PLA2G12B: variants seen among roughly 807,000 people sequenced by gnomAD.
The protein encoded by PLA2G12B is phospholipase A2 group XIIB.
PLA2G12B carries 19 observed loss-of-function variants against 22.3 expected under a neutral mutation model. The observed-to-expected ratio is 0.85, with a 90% CI of 0.60 to 1.25. The LOEUF (loss-of-function observed/expected upper bound fraction) is 1.25, where lower values mean the gene tolerates loss of function less well. Ranked by LOEUF, PLA2G12B falls within the 50% of genes most tolerant of loss-of-function variation. The pLI, the probability that PLA2G12B is intolerant of heterozygous loss-of-function variation, is 0.00. For missense variants in PLA2G12B, 191 were observed against 246.6 expected (o/e 0.77, Z 1.51); for synonymous variants, 81 against 94.9 (o/e 0.85, Z 0.85).
rs1846588181 is a variant in PLA2G12B at position 72,954,582 on chromosome 10, C to T, written c.104G>A (p.Gly35Asp). 6.2e-7 allele frequency: 1 copy of T among 1,614,088 alleles called. No individual in the cohort carries two copies. Among genetic ancestry groups the T allele is most frequent in the Non-Finnish European group, 8.5e-7 (1 of 1,180,052 alleles). ...PDTEESYSDW[G>D]LRHLRGSFES... ...AAAGCTTCCCCGGAGGTGCCGAAGG[C>T]CCCAGTCTGAATAGGACTCCTCCGT... Residue 35 changes from glycine to aspartate, a missense_variant, in exon 1 of 4, where the codon GGC (glycine) becomes GAC (aspartate). Transcript: ENST00000373032.
chr10:72,952,152 T>C (rs1204031123), intron 1 of PLA2G12B, among the ~76,000 whole-genome samples: 1 of 152,234 alleles, frequency 6.6e-6, no homozygotes, highest in Non-Finnish European at 1.5e-5. Context: ...ATCTGAAGTG[T>C]ACCCAAGTTA....
chr10:72,954,600 T>C lies in PLA2G12B; in HGVS notation c.86A>G (p.Glu29Gly). The change falls in exon 1 of 4, where the codon GAG becomes GGG. Residue 29 changes from glutamate (E) to glycine (G), a missense_variant. Transcript: ENST00000373032. ...CCGAAGGCCCCAGTCTGAATAGGAC[T>C]CCTCCGTGTCAGGGCTCGTGTCGCT... ...AQSDTSPDTE[E>G]SYSDWGLRHL... 1 of 1,614,140 alleles carries C rather than the reference T, an allele frequency of 6.2e-7. No individual in the cohort carries two copies. Among genetic ancestry groups the C allele is most frequent in the South Asian group, 1.1e-5 (1 of 91,078 alleles).
chr10:72,949,715 C>T (rs150277751), intron 1 of PLA2G12B, among the ~76,000 whole-genome samples: 3,634 of 152,274 alleles, frequency 0.024, 92 homozygotes, highest in African/African-American at 0.059. Flanking sequence ...CGGTGGCTCA[C>T]GCCTGTAATC....
intron 1 of PLA2G12B, among the ~76,000 whole-genome samples, chr10:72,943,014 G>T (rs1219932096): frequency 6.6e-6 from 1 of 150,878 alleles, no homozygotes; most frequent in Non-Finnish European, 1.5e-5. Flanking sequence ...TGCCCAGGCT[G>T]GAGTGCAGTG....
chr10:72,941,499 G>A (rs1846360796), intron 2 of PLA2G12B, among the ~76,000 whole-genome samples, 165 bp from the exon 3 acceptor site: 2 of 152,170 alleles, frequency 1.3e-5, no homozygotes, highest in Admixed American at 6.5e-5. Flanking sequence ...AATACCAACA[G>A]TCACAGGATT....
At chr10:72,952,872 C>T (rs1391059166) in intron 1 of PLA2G12B, among the ~76,000 whole-genome samples, 2 of 152,214 alleles carry the variant, frequency 1.3e-5, no homozygotes, top group African/African-American at 4.8e-5. Context: ...CTAAAATTTG[C>T]TTAAGTCTTT....
intron 3 of PLA2G12B, among the ~76,000 whole-genome samples, chr10:72,938,250 G>A (rs1846309006): frequency 6.6e-6 from 1 of 152,146 alleles, no homozygotes; most frequent in Admixed American, 6.5e-5. Flanking sequence ...CATTCTCAAT[G>A]GTGAAAGATG....
At chr10:72,941,070 C>G (rs1846352265) in intron 3 of PLA2G12B, 99 bp downstream of exon 3, 1 of 1,280,080 alleles carries the variant, frequency 7.8e-7, no homozygotes, top group African/African-American at 1.5e-5. Context: ...ATTCAGTGAG[C>G]TCTGATGATC....
chr10:72,935,574 C>G lies in PLA2G12B; in HGVS notation c.*43G>C. 3 of 1,609,302 alleles carry G rather than the reference C, an allele frequency of 1.9e-6. No homozygotes were observed. The highest frequency in any genetic ancestry group is 1.7e-5 in the Admixed American group (1 of 59,548). On this transcript the variant is annotated 3_prime_UTR_variant, in exon 4 of 4. Coordinates refer to ENST00000373032, the MANE Select transcript of PLA2G12B (RefSeq NM_032562.5). Reference sequence around the variant, plus strand: ...GAAGACTTGACATCTTGAAGGCTGACAGCTGTGGTGTCACTCAAAACCAGG... The same window carrying G: ...GAAGACTTGACATCTTGAAGGCTGAGAGCTGTGGTGTCACTCAAAACCAGG...
At chr10:72,946,719 A>T (rs1846448611) in intron 1 of PLA2G12B, among the ~76,000 whole-genome samples, 1 of 152,056 alleles carries the variant, frequency 6.6e-6, no homozygotes, top group Admixed American at 6.6e-5. Flanking sequence ...GTGGTTATTT[A>T]CCATTCATAT....
chr10:72,953,282 T>C (rs913234272), intron 1 of PLA2G12B, among the ~76,000 whole-genome samples: 5 of 152,170 alleles, frequency 3.3e-5, no homozygotes, highest in African/African-American at 9.7e-5. Context: ...AAACTTTGGG[T>C]CCTGATGCAA....
At chr10:72,941,799 A>G (rs1383011363) in intron 2 of PLA2G12B, among the ~76,000 whole-genome samples, 2 of 150,774 alleles carry the variant, frequency 1.3e-5, no homozygotes, top group East Asian at 3.9e-4. Context: ...AGACAGCACT[A>G]TTTTAAGGGT....
intron 1 of PLA2G12B, among the ~76,000 whole-genome samples, chr10:72,951,660 C>T (rs549285182): frequency 6.6e-6 from 1 of 152,138 alleles, no homozygotes; most frequent in South Asian, 2.1e-4. Context: ...AGGGTTTCAC[C>T]GTGTTAGCCA....
intron 2 of PLA2G12B, 57 bp downstream of exon 2, chr10:72,942,595 T>C: frequency 1.5e-6 from 2 of 1,366,254 alleles, no homozygotes; most frequent in Non-Finnish European, 1.0e-6. Context: ...AGGATAACTC[T>C]AGGATTGCTC....
At chr10:72,936,232 C>A (rs1846278263) in intron 3 of PLA2G12B, among the ~76,000 whole-genome samples, 1 of 152,172 alleles carries the variant, frequency 6.6e-6, no homozygotes, top group South Asian at 2.1e-4. Context: ...AAGGCATCCT[C>A]AACTTAAGTA....
intron 1 of PLA2G12B, among the ~76,000 whole-genome samples, chr10:72,944,415 C>G (rs1313140949): frequency 6.6e-6 from 1 of 152,148 alleles, no homozygotes; most frequent in Non-Finnish European, 1.5e-5. Flanking sequence ...TGGACCTTTA[C>G]TCTCACAAAG....
chr10:72,940,220 C>G lies in PLA2G12B; in HGVS notation c.466+949G>C, dbSNP rs190000709. The stretch of plus-strand genomic sequence containing the variant: ...TCCAAAATTCTCTCTACTGCAGACA[C>G]TCTCTGTGGTGTGGAGCCAGCTCTT... On this transcript the variant is annotated intron_variant, in intron 3 of 3. Transcript: ENST00000373032. Among the ~76,000 whole-genome samples, 16 of 152,284 alleles carry G rather than the reference C, an allele frequency of 1.1e-4. No individual in the cohort carries two copies. In the East Asian group the frequency reaches 2.3e-3, roughly 22 times the overall value.
intron 1 of PLA2G12B, among the ~76,000 whole-genome samples, chr10:72,950,843 T>C (rs930438495): frequency 5.9e-5 from 9 of 152,252 alleles, no homozygotes; most frequent in African/African-American, 2.2e-4. Flanking sequence ...TATTAAAGTG[T>C]GAAAGCGTGA....
rs1321270762 is a variant in PLA2G12B at position 72,935,309 on chromosome 10, G to C, written c.*308C>G. 8.3e-6 allele frequency: 2 copies of C among 240,890 alleles called. No homozygotes were observed. Among genetic ancestry groups the C allele is most frequent in the African/African-American group, 4.5e-5 (2 of 44,594 alleles). The allele number at this position is 240,890 out of a possible 1,614,324, so 14.9% of individuals were successfully genotyped here. The stretch of plus-strand genomic sequence containing the variant: ...TTTCACTCATGAATATAACTATCAG[G>C]TCCAGGAATTGCAGGGTTTGCTTGC... On this transcript the variant is annotated 3_prime_UTR_variant, in exon 4 of 4. Transcript: ENST00000373032.
Sources: gnomAD v4.1 joint callset for allele counts (sites outside exome capture counted in the v4.1 genomes callset) on GRCh38, gnomAD v4.1.1 for gene constraint, MANE v1.5 for transcripts, NCBI Gene and HGNC (gene_info 2026-07-23, HGNC 2026-07-21) for gene names.